The following NDUFB5 variants were observed in gnomAD, a reference collection of about 807,000 sequenced individuals.
NDUFB5 encodes NADH dehydrogenase [ubiquinone] 1 beta subcomplex subunit 5, mitochondrial.
NDUFB5 carries 19 observed loss-of-function variants against 19.4 expected under a neutral mutation model. That is an observed-to-expected ratio of 0.98 (90% CI 0.68 to 1.43). The LOEUF is 1.43. Among genes scored for constraint, NDUFB5 ranks in the 40% most tolerant of loss-of-function variants. NDUFB5 has a pLI of 0.00. For missense variants in NDUFB5, 233 were observed against 236.5 expected (o/e 0.99, Z 0.10); for synonymous variants, 80 against 82.6 (o/e 0.97, Z 0.17).
At chr3:179,609,415 G>A (rs1719183581) in intron 1 of NDUFB5, among the ~76,000 whole-genome samples, 1 of 152,170 alleles carries the variant, frequency 6.6e-6, no homozygotes, top group African/African-American at 2.4e-5. Context: ...CAGAGTCAGG[G>A]ACTGGAGGGA....
intron 1 of NDUFB5, among the ~76,000 whole-genome samples, chr3:179,605,439 G>A (rs1200478578): frequency 2.0e-5 from 3 of 152,046 alleles, no homozygotes; most frequent in Admixed American, 6.6e-5. Flanking sequence ...GAACTGGGGA[G>A]GAAGAGAGGT....
At chr3:179,611,105 A>G (rs925467130) in intron 1 of NDUFB5, among the ~76,000 whole-genome samples, 6 of 152,214 alleles carry the variant, frequency 3.9e-5, no homozygotes, top group Non-Finnish European at 7.3e-5. Flanking sequence ...TACAAAGCCA[A>G]CGTATCTTCA....
At chr3:179,607,863 G>A in intron 1 of NDUFB5, 1 of 695,066 alleles carries the variant, frequency 1.4e-6, no homozygotes, top group Non-Finnish European at 2.6e-6. Context: ...ATATCCCCAA[G>A]GCATATTTAT....
At chr3:179,623,841 T>C in intron 5 of NDUFB5, 79 bp from the exon 6 acceptor site, 1 of 1,548,754 alleles carries the variant, frequency 6.5e-7, no homozygotes, top group African/African-American at 1.4e-5. Flanking sequence ...ACTCCAGTGA[T>C]TGTCCTTTAT....
At position 179,604,926 on chromosome 3, in the gene NDUFB5, T is replaced by A. The variant is rs746123512; in HGVS notation, c.111T>A (p.Phe37Leu). 6.3e-6 allele frequency: 10 copies of A among 1,585,038 alleles called. No individual in the cohort carries two copies. The South Asian group carries it at 1.1e-4, about 18-fold the overall frequency. ...TTGGGGGCTTCCTCACTCGTGGCTT[T>A]CCGAAGGCTGCTGGTGGGTGCTGGC... ...LGFGGFLTRGFPKAAAPVRHS... is the reference protein window; with the variant it reads ...LGFGGFLTRGLPKAAAPVRHS... Residue 37 changes from phenylalanine (F) to leucine (L), a missense_variant, in exon 1 of 6, where the codon TTT (phenylalanine) becomes TTA (leucine). Phe to Leu is a conservative substitution (Grantham distance 22). Transcript: ENST00000259037.
At chr3:179,613,558 A>G (rs1016841526) in intron 1 of NDUFB5, among the ~76,000 whole-genome samples, 1 of 152,102 alleles carries the variant, frequency 6.6e-6, no homozygotes, top group African/African-American at 2.4e-5. Flanking sequence ...CTGTCATCCA[A>G]CCCGTTTTCT....
At chr3:179,611,734 A>T (rs1719246852) in intron 1 of NDUFB5, among the ~76,000 whole-genome samples, 1 of 152,084 alleles carries the variant, frequency 6.6e-6, no homozygotes, top group African/African-American at 2.4e-5. Flanking sequence ...AAGTTCCCAC[A>T]TTCCCACATT....
At chr3:179,615,611 C>T (rs773230334) in intron 2 of NDUFB5, 5 of 470,834 alleles carry the variant, frequency 1.1e-5, no homozygotes, top group Non-Finnish European at 2.1e-5. Flanking sequence ...GGACCATCTG[C>T]CACGGTAGAT....
At chr3:179,605,937 G>A (rs1002379132) in intron 1 of NDUFB5, among the ~76,000 whole-genome samples, 6 of 152,070 alleles carry the variant, frequency 3.9e-5, no homozygotes, top group African/African-American at 1.4e-4. Context: ...GGCTACAGGT[G>A]CACACCACCA....
chr3:179,612,099 A>G lies in NDUFB5; in HGVS notation c.125-2872A>G, dbSNP rs371147299. The stretch of plus-strand genomic sequence containing the variant: ...CGAGTAGCTGGGAGTACAAGCATGC[A>G]CCACCATTCCTGGTTACACACTAAT... On this transcript the variant is annotated intron_variant, in intron 1 of 5. Transcript: ENST00000259037. Among the ~76,000 whole-genome samples, 5 of 151,886 alleles carry G rather than the reference A, an allele frequency of 3.3e-5. No homozygotes were observed. In the East Asian group the frequency reaches 9.8e-4, roughly 30 times the overall value.
chr3:179,622,073 T>C (rs1218021242), intron 5 of NDUFB5, among the ~76,000 whole-genome samples: 1 of 152,094 alleles, frequency 6.6e-6, no homozygotes, highest in East Asian at 1.9e-4. Context: ...GCTTAAGCAG[T>C]CCTCCAGCCT....
Position 179,618,421 on chromosome 3 carries a change from A to T in NDUFB5, c.349A>T (p.Ile117Leu). The T allele has an allele frequency of 6.2e-7, 1 of 1,600,690 alleles. No homozygotes were observed. Among genetic ancestry groups the T allele is most frequent in the Non-Finnish European group, 8.5e-7 (1 of 1,172,822 alleles). The change falls in exon 5 of 6, where the codon ATA becomes TTA. Residue 117 changes from isoleucine to leucine, a missense_variant. By Grantham distance (5) the Ile-to-Leu change is conservative. Coordinates refer to ENST00000259037, the MANE Select transcript of NDUFB5 (RefSeq NM_002492.4). Reference sequence around the variant, plus strand: ...AACGAATTTTCTCTTGTAGCATCCCATATCAAGATGGATTGCCCGTAATTT... The same window carrying T: ...AACGAATTTTCTCTTGTAGCATCCCTTATCAAGATGGATTGCCCGTAATTT... The part of the protein sequence containing the change: ...PEHWEYYKHP[I>L]SRWIARNFYD...
In NDUFB5 at chr3:179,624,075, T is replaced by G. The variant is rs1719606141; in HGVS notation, c.*35T>G. The G allele has an allele frequency of 1.9e-6, 3 of 1,559,682 alleles. No homozygotes were observed. Among genetic ancestry groups the G allele is most frequent in the South Asian group, 1.2e-5 (1 of 84,012 alleles). On this transcript the variant is annotated 3_prime_UTR_variant, in exon 6 of 6. Transcript: ENST00000259037. Reference sequence around the variant, plus strand: ...TCTCCAAATACAAAGTATATTCTCTTTATTGGAAAATAAATTAATAAATAT... The same window carrying G: ...TCTCCAAATACAAAGTATATTCTCTGTATTGGAAAATAAATTAATAAATAT...
intron 1 of NDUFB5, among the ~76,000 whole-genome samples, chr3:179,607,026 G>C (rs569831495): frequency 2.0e-5 from 3 of 152,064 alleles, no homozygotes; most frequent in African/African-American, 7.2e-5. Context: ...TCAAATACTC[G>C]CTCTGGTAGT....
chr3:179,617,224 G>A, intron 4 of NDUFB5, 180 bp downstream of exon 4: 1 of 435,166 alleles, frequency 2.3e-6, no homozygotes. Context: ...TGCAACTTCT[G>A]CCTCCCGCAT....
rs201158038 is a variant in NDUFB5, at chr3:179,615,964, A to G, written c.214-19A>G. On this transcript the variant is annotated intron_variant, in intron 2 of 5. Coordinates refer to ENST00000259037, the MANE Select transcript of NDUFB5 (RefSeq NM_002492.4). ...GAGTTACGAAATGGTCATGAGAAAC[A>G]CTTTTTTTTTTATCTTAGAGATTCT... 1 of 1,568,098 alleles carries G rather than the reference A, an allele frequency of 6.4e-7. No homozygotes were observed. Among genetic ancestry groups the G allele is most frequent in the African/African-American group, 1.4e-5 (1 of 73,986 alleles).
intron 1 of NDUFB5, among the ~76,000 whole-genome samples, chr3:179,611,245 C>T (rs1018697297): frequency 6.6e-6 from 1 of 152,050 alleles, no homozygotes; most frequent in Non-Finnish European, 1.5e-5. Context: ...GTAAAGAAGG[C>T]ATGGAATGAA....
intron 1 of NDUFB5, among the ~76,000 whole-genome samples, chr3:179,611,770 G>A (rs184665877): frequency 1.2e-4 from 19 of 152,072 alleles, no homozygotes; most frequent in African/African-American, 2.4e-4. Flanking sequence ...TATAAAAATC[G>A]CAATCATCAA....
Position 179,626,051 on chromosome 3 carries a change from T to C in NDUFB5, c.*2011T>C, listed in dbSNP as rs1413355507. 6.6e-6 allele frequency: 1 copy of C among 152,258 alleles called. No individual in the cohort carries two copies. Among genetic ancestry groups the C allele is most frequent in the Non-Finnish European group, 1.5e-5 (1 of 68,046 alleles). 9.4% of individuals were successfully genotyped at this position (152,258 alleles called of 1,614,324 possible). A position where few individuals can be genotyped will look rare whatever the true frequency, so the allele number is the denominator to read the frequency against. Reference sequence around the variant, plus strand: ...TTGTACTACTGTACATTCCTACCAATGGTGGATGAGCGTTCCCCTTTCTCC... The same window carrying C: ...TTGTACTACTGTACATTCCTACCAACGGTGGATGAGCGTTCCCCTTTCTCC... On this transcript the variant is annotated 3_prime_UTR_variant, in exon 6 of 6. Coordinates refer to ENST00000259037, the MANE Select transcript of NDUFB5 (RefSeq NM_002492.4).
Sources: allele counts gnomAD v4.1 joint callset (sites outside exome capture counted in the v4.1 genomes callset), GRCh38; gene constraint gnomAD v4.1.1; transcripts MANE v1.5; gene names NCBI Gene and HGNC (gene_info 2026-07-23, HGNC 2026-07-21).